RASSF3: variants seen among roughly 807,000 people sequenced by gnomAD.
RASSF3 encodes ras association domain-containing protein 3.
RASSF3 carries 19 observed loss-of-function variants against 19.9 expected under a neutral mutation model. The ratio of observed to expected loss-of-function variants is 0.96; its 90% CI spans 0.67 to 1.40. The LOEUF is 1.40. RASSF3 is among the 40% of genes most tolerant of loss of function. The pLI is 0.00. For synonymous variants in RASSF3, 110 were observed against 104.2 expected, an observed-to-expected ratio of 1.06 and a Z score of -0.34; for missense variants, 306 against 289.8, an observed-to-expected ratio of 1.06 and a Z score of -0.41.
intron 1 of RASSF3, among the ~76,000 whole-genome samples, chr12:64,508,862 G>A (rs937513831): frequency 6.6e-6 from 1 of 151,752 alleles, no homozygotes; most frequent in East Asian, 1.9e-4. Flanking sequence ...CTCCAGCCTA[G>A]GCAACAAGAG....
chr12:64,663,137 G>A (rs560139075), intron 1 of RASSF3, among the ~76,000 whole-genome samples: 3 of 152,166 alleles, frequency 2.0e-5, no homozygotes, highest in African/African-American at 7.2e-5. Context: ...TTTGGAGCAT[G>A]CACATAATGT....
At chr12:64,591,825 G>A (rs1183352046) in intron 2 of RASSF3, among the ~76,000 whole-genome samples, 2 of 151,710 alleles carry the variant, frequency 1.3e-5, no homozygotes, top group Non-Finnish European at 2.9e-5. Context: ...AGTCACATCA[G>A]TTGTGCTTCC....
intron 1 of RASSF3, among the ~76,000 whole-genome samples, chr12:64,615,088 T>C (rs1427498782): frequency 6.6e-6 from 1 of 152,236 alleles, no homozygotes; most frequent in Admixed American, 6.5e-5. Context: ...GTGGATTCGC[T>C]GTGTTTCAAA....
chr12:64,673,699 C>G (rs1436531049), intron 1 of RASSF3, among the ~76,000 whole-genome samples: 1 of 152,130 alleles, frequency 6.6e-6, no homozygotes, highest in Non-Finnish European at 1.5e-5. Context: ...ATAATCTTTC[C>G]TTTCTTACAT....
At chr12:64,683,454 T>C (rs993647098) in intron 1 of RASSF3, among the ~76,000 whole-genome samples, 2 of 152,208 alleles carry the variant, frequency 1.3e-5, no homozygotes, top group African/African-American at 4.8e-5. Flanking sequence ...CCGATATTTC[T>C]CCCTCTAGAG....
chr12:64,669,189 T>G (rs1427502248), intron 1 of RASSF3, among the ~76,000 whole-genome samples: 1 of 152,220 alleles, frequency 6.6e-6, no homozygotes, highest in Non-Finnish European at 1.5e-5. Flanking sequence ...CTTTAGGTGC[T>G]TGTTTGAGTT....
intron 1 of RASSF3, among the ~76,000 whole-genome samples, chr12:64,511,155 T>G (rs1306079690): frequency 6.6e-6 from 1 of 152,228 alleles, no homozygotes; most frequent in Admixed American, 6.5e-5. Flanking sequence ...TGATGTCAGA[T>G]AGTATGTCAC....
At chr12:64,622,827 C>G (rs1181913836) in intron 1 of RASSF3, among the ~76,000 whole-genome samples, 2 of 145,190 alleles carry the variant, frequency 1.4e-5, no homozygotes, top group Non-Finnish European at 1.5e-5. Flanking sequence ...TTTTTTCTTT[C>G]TTTTTTTTTT....
At chr12:64,684,199 C>A (rs1592469116) in intron 1 of RASSF3, among the ~76,000 whole-genome samples, 1 of 150,910 alleles carries the variant, frequency 6.6e-6, no homozygotes, top group East Asian at 1.9e-4. Context: ...GATGCTCCCA[C>A]CTCAGCCTCC....
At chr12:64,677,931 G>A (rs1444943232) in intron 1 of RASSF3, among the ~76,000 whole-genome samples, 1 of 152,172 alleles carries the variant, frequency 6.6e-6, no homozygotes, top group Admixed American at 6.5e-5. Context: ...TGCTTGCTCT[G>A]TAGCTCATGG....
intron 2 of RASSF3, among the ~76,000 whole-genome samples, chr12:64,591,251 C>T (rs528760290): frequency 1.3e-5 from 2 of 152,178 alleles, no homozygotes; most frequent in African/African-American, 4.8e-5. Context: ...CCGAGGCAGG[C>T]GGATCACGAG....
At chr12:64,688,924 T>G (rs1231522402) in intron 3 of RASSF3, among the ~76,000 whole-genome samples, 1 of 152,202 alleles carries the variant, frequency 6.6e-6, no homozygotes, top group African/African-American at 2.4e-5. Flanking sequence ...TTCAGCGTAC[T>G]GATGGAAACG....
downstream of RASSF3, among the ~76,000 whole-genome samples, chr12:64,544,573 G>A (rs1459200375): frequency 6.6e-6 from 1 of 151,324 alleles, no homozygotes; most frequent in Non-Finnish European, 1.5e-5. Flanking sequence ...GCTGGGACCC[G>A]CACCACTGCC....
Position 64,508,267 on chromosome 12 carries a change from C to T in RASSF3, c.169+938C>T, listed in dbSNP as rs550029291. Among the ~76,000 whole-genome samples the T allele has an allele frequency of 3.3e-5, 5 of 152,266 alleles. No individual in the cohort carries two copies. In the South Asian group the frequency reaches 1.0e-3, roughly 32 times the overall value. On this transcript the variant is annotated intron_variant, in intron 1 of 5. Transcript: ENST00000637125. ...CCGTGGCTCACACCTGTAATCTCAG[C>T]ACTTTGGGAGGCCGAGGCAGATGCA... is the stretch of plus-strand genomic sequence containing the variant.
chr12:64,543,434 C>CCCGCCCCCCCCCTCCCCGCCCGCCCG (rs1565836086), downstream of RASSF3, among the ~76,000 whole-genome samples: 1 of 59,566 alleles, frequency 1.7e-5, no homozygotes, highest in Non-Finnish European at 3.1e-5. Context: ...TCCCCGCCCG[C>CCCGCCCCCCCCCTCCCCGCCCGCCCG]CCCCCCCGTG....
Position 64,694,883 on chromosome 12 carries a change from GC to G in RASSF3, c.691del (p.Leu231SerfsTer127). The G allele has an allele frequency of 6.2e-7, 1 of 1,614,226 alleles. No homozygotes were observed. Among genetic ancestry groups the G allele is most frequent in the Non-Finnish European group, 8.5e-7 (1 of 1,180,036 alleles). The stretch of plus-strand genomic sequence containing the variant: ...AGCCTACAGGCAGAAGCTGGAAGAA[GC>G]CCTCCGTGAGGTGTGGAAGCCTGAT... The part of the protein sequence containing the change: ...YTAYRQKLEE[A>X]LREVWKPD On this transcript the variant is annotated frameshift_variant, in exon 5 of 5. Transcript: ENST00000542104. LOFTEE classifies it high-confidence loss of function.
At chr12:64,623,594 G>A (rs1173135837) in intron 1 of RASSF3, among the ~76,000 whole-genome samples, 3 of 152,210 alleles carry the variant, frequency 2.0e-5, no homozygotes, top group Admixed American at 2.0e-4. Flanking sequence ...TTTCTTGCCA[G>A]TGTTCCTTTA....
intron 2 of RASSF3, among the ~76,000 whole-genome samples, chr12:64,555,962 G>A (rs1322709840): frequency 6.6e-6 from 1 of 152,176 alleles, no homozygotes; most frequent in Non-Finnish European, 1.5e-5. Context: ...CATAGGTTGG[G>A]TCATCAAAGA....
chr12:64,694,436 G>A (rs892604804), intron 4 of RASSF3, among the ~76,000 whole-genome samples: 4 of 152,172 alleles, frequency 2.6e-5, no homozygotes, highest in African/African-American at 7.2e-5. Flanking sequence ...AAGGACTGTC[G>A]AATTGTTTTT....
Sources: allele counts gnomAD v4.1 joint callset (sites outside exome capture counted in the v4.1 genomes callset), GRCh38; gene constraint gnomAD v4.1.1; transcripts MANE v1.5; gene names NCBI Gene and HGNC (gene_info 2026-07-23, HGNC 2026-07-21).